MACROD2: variants seen among roughly 807,000 people sequenced by gnomAD.
The protein encoded by MACROD2 is ADP-ribose glycohydrolase MACROD2.
A neutral mutation model predicts 70.4 loss-of-function variants in MACROD2; 36 were observed. The ratio of observed to expected loss-of-function variants is 0.51; its 90% CI spans 0.39 to 0.68. The LOEUF (loss-of-function observed/expected upper bound fraction) is 0.68. MACROD2 is among the 30% of genes least tolerant of loss of function. MACROD2 has a pLI of 0.00. For missense variants in MACROD2, 496 were observed against 538.4 expected (o/e 0.92, Z 0.78); for synonymous variants, 172 against 178.8 (o/e 0.96, Z 0.30).
intron 3 of MACROD2, among the ~76,000 whole-genome samples, chr20:14,449,266 C>G (rs1447593113): frequency 2.0e-5 from 3 of 152,054 alleles, no homozygotes; most frequent in Non-Finnish European, 2.9e-5. Flanking sequence ...ATAGATGGTT[C>G]TTTGTAGACT....
intron 5 of MACROD2, among the ~76,000 whole-genome samples, chr20:14,798,197 T>A (rs1320043415): frequency 6.6e-6 from 1 of 152,108 alleles, no homozygotes; most frequent in Non-Finnish European, 1.5e-5. Flanking sequence ...AACCCACTCA[T>A]AAACCTGATT....
At chr20:14,891,473 A>G (rs1478867261) in intron 5 of MACROD2, among the ~76,000 whole-genome samples, 2 of 152,172 alleles carry the variant, frequency 1.3e-5, no homozygotes, top group Non-Finnish European at 2.9e-5. Context: ...CCCTAACAAG[A>G]TAATAAATTC....
chr20:15,565,829 G>A (rs1267610207), intron 8 of MACROD2, among the ~76,000 whole-genome samples: 1 of 152,156 alleles, frequency 6.6e-6, no homozygotes, highest in South Asian at 2.1e-4. Context: ...CTACAGGCAT[G>A]AGCCACTGCA....
intron 2 of MACROD2, among the ~76,000 whole-genome samples, chr20:14,061,617 G>A (rs2053691888): frequency 6.6e-6 from 1 of 152,048 alleles, no homozygotes; most frequent in African/African-American, 2.4e-5. Context: ...TATCTTAGAG[G>A]TGGTTATTTC....
chr20:15,836,270 T>C (rs1046002712), intron 8 of MACROD2, among the ~76,000 whole-genome samples: 1 of 152,170 alleles, frequency 6.6e-6, no homozygotes, highest in African/African-American at 2.4e-5. Context: ...GTGAATCAGA[T>C]TGGCCATGGA....
intron 5 of MACROD2, among the ~76,000 whole-genome samples, chr20:14,860,397 C>T (rs1052930459): frequency 6.6e-6 from 1 of 151,952 alleles, no homozygotes; most frequent in Non-Finnish European, 1.5e-5. Context: ...TACTTTCCTC[C>T]TCCCCTTTGT....
At chr20:15,860,430 G>T (rs1435080857) in intron 8 of MACROD2, among the ~76,000 whole-genome samples, 1 of 152,006 alleles carries the variant, frequency 6.6e-6, no homozygotes, top group Non-Finnish European at 1.5e-5. Flanking sequence ...TAAAGCCTGG[G>T]GGAAAAAAGT....
intron 8 of MACROD2, among the ~76,000 whole-genome samples, chr20:15,761,758 C>T (rs549861946): frequency 8.5e-5 from 13 of 152,340 alleles, no homozygotes; most frequent in African/African-American, 2.9e-4. Flanking sequence ...CGCTCAATCA[C>T]TAAGCCTTGC....
chr20:15,855,102 C>A (rs540632603), intron 8 of MACROD2, among the ~76,000 whole-genome samples: 2 of 152,294 alleles, frequency 1.3e-5, no homozygotes, highest in South Asian at 2.1e-4. Flanking sequence ...AAATTACATT[C>A]ATCAGAATCC....
intron 4 of MACROD2, among the ~76,000 whole-genome samples, chr20:14,549,390 T>C: frequency 6.6e-6 from 1 of 152,352 alleles, no homozygotes. Context: ...AGTTTTCTTT[T>C]AAATTAAAAT....
intron 3 of MACROD2, among the ~76,000 whole-genome samples, chr20:14,212,925 G>A (rs2081582201): frequency 6.6e-6 from 1 of 151,774 alleles, no homozygotes; most frequent in Non-Finnish European, 1.5e-5. Flanking sequence ...TTCATGGATG[G>A]ACCAGAACCT....
At chr20:15,073,220 T>C (rs982106456) in intron 5 of MACROD2, among the ~76,000 whole-genome samples, 5 of 152,078 alleles carry the variant, frequency 3.3e-5, no homozygotes, top group African/African-American at 1.2e-4. Context: ...AAAGACAAGC[T>C]TAAAGCTATC....
chr20:15,028,158 C>A (rs1208876986), intron 5 of MACROD2, among the ~76,000 whole-genome samples: 1 of 152,202 alleles, frequency 6.6e-6, no homozygotes, highest in Non-Finnish European at 1.5e-5. Context: ...GAGGGAAGAC[C>A]AGTGGAAGAT....
At chr20:15,397,946 A>G (rs2045880997) in intron 6 of MACROD2, among the ~76,000 whole-genome samples, 1 of 152,230 alleles carries the variant, frequency 6.6e-6, no homozygotes, top group Non-Finnish European at 1.5e-5. Context: ...GTAAACTTAG[A>G]GCAGAGAAAA....
intron 6 of MACROD2, among the ~76,000 whole-genome samples, chr20:15,365,742 AAG>A (rs200919820): frequency 0.023 from 3,541 of 151,846 alleles, 64 homozygotes; most frequent in Middle Eastern, 0.041. Context: ...ATTATATCAA[AAG>A]AGTTTTTAAA....
At chr20:15,710,044 A>T (rs2050601497) in intron 8 of MACROD2, among the ~76,000 whole-genome samples, 1 of 152,128 alleles carries the variant, frequency 6.6e-6, no homozygotes, top group Non-Finnish European at 1.5e-5. Context: ...CGGGCTAATG[A>T]TCCGTACGAC....
At position 15,191,927 on chromosome 20, in the gene MACROD2, T is replaced by TAGAGAG. The variant is rs371278497; in HGVS notation, c.419-38012_419-38011insGAGAGA. 8.0e-4 allele frequency among the ~76,000 whole-genome samples: 43 copies of TAGAGAG among 53,592 alleles called. 2 individuals are homozygous for TAGAGAG. Among genetic ancestry groups the TAGAGAG allele is most frequent in the South Asian group, 4.1e-3 (5 of 1,224 alleles). The allele number at this position is 53,592 out of a possible 152,430, so 35.2% of individuals were successfully genotyped here. Reference sequence around the variant, plus strand: ...AACTACACATATGTGTATATATATATATATAGAGAGAGAGAGAGTTAATAC... The same window carrying TAGAGAG: ...AACTACACATATGTGTATATATATATAGAGAGATATAGAGAGAGAGAGAGTTAATAC... On this transcript the variant is annotated intron_variant, in intron 5 of 17. Transcript: ENST00000684519.
chr20:15,610,461 C>T (rs960279815), intron 8 of MACROD2, among the ~76,000 whole-genome samples: 4 of 152,160 alleles, frequency 2.6e-5, no homozygotes, highest in African/African-American at 2.4e-5. Flanking sequence ...CTCCCATCTC[C>T]GCCTTAGACT....
chr20:15,782,412 T>C (rs1294670056), intron 8 of MACROD2, among the ~76,000 whole-genome samples: 2 of 152,128 alleles, frequency 1.3e-5, no homozygotes, highest in Non-Finnish European at 2.9e-5. Context: ...TTTAATTGAT[T>C]ATGACTGAGG....
Sources: gnomAD v4.1 joint callset for allele counts (sites outside exome capture counted in the v4.1 genomes callset) on GRCh38, gnomAD v4.1.1 for gene constraint, MANE v1.5 for transcripts, NCBI Gene and HGNC (gene_info 2026-07-23, HGNC 2026-07-21) for gene names.